The following CCDC157 variants were observed in gnomAD, a reference collection of about 807,000 sequenced individuals.
The protein encoded by CCDC157 is coiled-coil domain containing 157, also known as coiled-coil domain-containing protein 157.
A neutral mutation model predicts 70.9 loss-of-function variants in CCDC157; 60 were observed. The ratio of observed to expected loss-of-function variants is 0.85; its 90% CI spans 0.69 to 1.05. CCDC157 has a LOEUF of 1.05. CCDC157 is among the 50% of genes least tolerant of loss of function. The pLI is 0.00. For missense variants in CCDC157, 943 were observed against 984.2 expected, an observed-to-expected ratio of 0.96 and a Z score of 0.56; for synonymous variants, 373 against 422.4, an observed-to-expected ratio of 0.88 and a Z score of 1.43.
At chr22:30,367,774 C>T (rs1034875449) in intron 3 of CCDC157, among the ~76,000 whole-genome samples, 3 of 151,046 alleles carry the variant, frequency 2.0e-5, no homozygotes, top group Admixed American at 1.3e-4. Flanking sequence ...TGGTCAGGTG[C>T]GTTGGCTCAC....
At chr22:30,373,822 A>G in intron 8 of CCDC157, 58 bp downstream of exon 8, 1 of 1,531,802 alleles carries the variant, frequency 6.5e-7, no homozygotes, top group Non-Finnish European at 8.8e-7. Flanking sequence ...GAGTGCCTGC[A>G]GGCCTGTCCC....
At chr22:30,357,506 C>A (rs920494723) in intron 1 of CCDC157, among the ~76,000 whole-genome samples, 33 of 152,032 alleles carry the variant, frequency 2.2e-4, no homozygotes, top group African/African-American at 7.7e-4. Context: ...CTTTGTCTTT[C>A]TTTTTTCTTT....
At chr22:30,374,322 C>G (rs529762668) in intron 9 of CCDC157, 1 of 640,894 alleles carries the variant, frequency 1.6e-6, no homozygotes, top group Non-Finnish European at 2.9e-6. Context: ...GTGACTGCCT[C>G]TAGTCACAAC....
At chr22:30,373,809 A>G in intron 8 of CCDC157, 45 bp downstream of exon 8, 1 of 1,535,032 alleles carries the variant, frequency 6.5e-7, no homozygotes, top group East Asian at 2.4e-5. Flanking sequence ...TCTCCGGCCA[A>G]CTGAGTGCCT....
intron 3 of CCDC157, among the ~76,000 whole-genome samples, chr22:30,368,328 G>A (rs1932800833): frequency 1.3e-5 from 2 of 152,214 alleles, no homozygotes; most frequent in Non-Finnish European, 2.9e-5. Context: ...ATCATGGCCT[G>A]GTTTACCCAG....
At position 30,378,234 on chromosome 22, in the gene CCDC157, C is replaced by G; in HGVS notation, c.*1489C>G. Reference sequence around the variant, plus strand: ...CTCCTCTTCTACCAGCAGAAAACTACTTTGAATAGGCTCATGTGGTTAGGG... The same window carrying G: ...CTCCTCTTCTACCAGCAGAAAACTAGTTTGAATAGGCTCATGTGGTTAGGG... On this transcript the variant is annotated 3_prime_UTR_variant, in exon 12 of 12. Transcript: ENST00000338306. The G allele has an allele frequency of 2.1e-6, 1 of 466,464 alleles. No homozygotes were observed. The highest frequency in any genetic ancestry group is 4.5e-6 in the Non-Finnish European group (1 of 224,216). 28.9% of individuals were successfully genotyped at this position (466,464 alleles called of 1,614,324 possible).
Position 30,372,239 on chromosome 22 carries a change from C to G in CCDC157, c.1288C>G (p.Leu430Val). The change falls in exon 7 of 12, where the codon CTG (leucine) becomes GTG (valine). Residue 430 changes from leucine (L) to valine (V), a missense_variant. Physicochemically the swap from Leu to Val is conservative, Grantham distance 32. Coordinates refer to ENST00000338306, the MANE Select transcript of CCDC157 (RefSeq NM_001017437.5). ...GQQVCWASTE[L>V]DKEKARVDSM... Reference sequence around the variant, plus strand: ...GCAGGTCTGCTGGGCCAGCACGGAGCTGGATAAGGAGAAGGCCCGTGTCGA... The same window carrying G: ...GCAGGTCTGCTGGGCCAGCACGGAGGTGGATAAGGAGAAGGCCCGTGTCGA... The G allele has an allele frequency of 6.9e-6, 11 of 1,599,424 alleles. No individual in the cohort carries two copies. Among genetic ancestry groups the G allele is most frequent in the Non-Finnish European group, 9.4e-6 (11 of 1,175,702 alleles).
chr22:30,376,795 A>T lies in CCDC157; in HGVS notation c.*50A>T. 6.5e-7 allele frequency: 1 copy of T among 1,538,708 alleles called. No individual in the cohort carries two copies. The highest frequency in any genetic ancestry group is 1.4e-5 in the African/African-American group (1 of 73,262). On this transcript the variant is annotated 3_prime_UTR_variant, in exon 12 of 12. Coordinates refer to ENST00000338306, the MANE Select transcript of CCDC157 (RefSeq NM_001017437.5). The stretch of plus-strand genomic sequence containing the variant: ...ATGGGAGGTGGCTGGCAGCCCACCC[A>T]CTGTAATAAAGCCCCAGCCATTGGC...
intron 3 of CCDC157, 61 bp downstream of exon 3, chr22:30,366,309 G>A: frequency 3.7e-6 from 6 of 1,601,266 alleles, no homozygotes; most frequent in Non-Finnish European, 5.1e-6. Flanking sequence ...TGAAACCAGT[G>A]GCAGCTACGG....
At chr22:30,358,730 A>G (rs1932122625) in intron 1 of CCDC157, among the ~76,000 whole-genome samples, 1 of 152,194 alleles carries the variant, frequency 6.6e-6, no homozygotes, top group Admixed American at 6.5e-5. Flanking sequence ...CAGGAAATTG[A>G]GGAGAGGCAG....
At chr22:30,372,323 A>G (rs769797350) in intron 7 of CCDC157, 37 bp downstream of exon 7, 1 of 1,483,452 alleles carries the variant, frequency 6.7e-7, no homozygotes, top group South Asian at 1.3e-5. Flanking sequence ...GGCATCTGCA[A>G]TGTAGGCTGC....
chr22:30,369,483 A>G lies in CCDC157; in HGVS notation c.300A>G (p.Ser100=), dbSNP rs762816271. The G allele has an allele frequency of 5.4e-5, 85 of 1,588,126 alleles. No homozygotes were observed. In the East Asian group the frequency reaches 9.3e-4, roughly 17 times the overall value. Residue 100 remains serine (S), a synonymous_variant, in exon 4 of 12, where the codon TCA becomes TCG. Transcript: ENST00000338306. ...TGAGCTACTTGGAGAACCTTGGCTC[A>G]GAGCAGATGATGCCCCCTGCACAGG... is the stretch of plus-strand genomic sequence containing the variant. ...SCMSYLENLG[S]EQMMPPAQAA...
chr22:30,365,852 C>A, intron 2 of CCDC157, 138 bp from the exon 3 acceptor site: 1 of 850,664 alleles, frequency 1.2e-6, no homozygotes, highest in Non-Finnish European at 1.8e-6. Flanking sequence ...TCACCTGGGG[C>A]TGGGAAACAG....
chr22:30,376,865 A>C lies in CCDC157; in HGVS notation c.*120A>C. On this transcript the variant is annotated 3_prime_UTR_variant, in exon 12 of 12. Coordinates refer to ENST00000338306, the MANE Select transcript of CCDC157 (RefSeq NM_001017437.5). ...ACAGTATGACTGAGCCAAGGAAAGA[A>C]CCCTTCCTTCCCTGTCCTGGGCAGG... 9.6e-7 allele frequency: 1 copy of C among 1,043,816 alleles called. No individual in the cohort carries two copies. The highest frequency in any genetic ancestry group is 2.6e-5 in the East Asian group (1 of 38,296). The allele number at this position is 1,043,816 out of a possible 1,614,324, so 64.7% of individuals were successfully genotyped here. A position where few individuals can be genotyped will look rare whatever the true frequency, so the allele number is the denominator to read the frequency against.
rs1287968296 is a variant in CCDC157 at position 30,357,115 on chromosome 22, C to G, written c.-183C>G. 1 of 281,330 alleles carries G rather than the reference C, an allele frequency of 3.6e-6. No individual in the cohort carries two copies. The highest frequency in any genetic ancestry group is 6.6e-6 in the Non-Finnish European group (1 of 151,574). 17.4% of individuals were successfully genotyped at this position (281,330 alleles called of 1,614,324 possible). ...AGCCGACCAGACACGAAGGCTGAAG[C>G]CGCGACGCCGAAGACAGGTGAGATG... is the stretch of plus-strand genomic sequence containing the variant. On this transcript the variant is annotated 5_prime_UTR_variant, in exon 1 of 12. Coordinates refer to ENST00000338306, the MANE Select transcript of CCDC157 (RefSeq NM_001017437.5).
Position 30,370,826 on chromosome 22 carries a change from G to A in CCDC157, c.921G>A (p.Leu307=). ...AGGCTGAAGGGCAGAAGGATGGCCTGAGGAAGCAGGCGGGCAAGCTGGAGC... is the reference window on the plus strand; with the variant it reads ...AGGCTGAAGGGCAGAAGGATGGCCTAAGGAAGCAGGCGGGCAAGCTGGAGC... ...LEEAEGQKDG[L]RKQAGKLEQA... The change falls in exon 5 of 12, where the codon CTG becomes CTA. Residue 307 remains leucine, a synonymous_variant. Transcript: ENST00000338306. The A allele has an allele frequency of 1.2e-6, 2 of 1,613,004 alleles. No homozygotes were observed. The highest frequency in any genetic ancestry group is 1.7e-6 in the Non-Finnish European group (2 of 1,180,014).
At chr22:30,366,310 G>A in intron 3 of CCDC157, 62 bp downstream of exon 3, 1 of 1,601,252 alleles carries the variant, frequency 6.2e-7, no homozygotes, top group South Asian at 1.1e-5. Context: ...GAAACCAGTG[G>A]CAGCTACGGA....
chr22:30,371,553 C>A, intron 5 of CCDC157, 97 bp from the exon 6 acceptor site: 1 of 1,037,318 alleles, frequency 9.6e-7, no homozygotes, highest in South Asian at 1.3e-5. Context: ...CCTCTGCAGG[C>A]GATGGGCTGC....
At position 30,376,727 on chromosome 22, in the gene CCDC157, C is replaced by T. The variant is rs1328811546; in HGVS notation, c.2241C>T (p.Pro747=). 1.2e-6 allele frequency: 2 copies of T among 1,612,308 alleles called. No homozygotes were observed. Among genetic ancestry groups the T allele is most frequent in the African/African-American group, 2.7e-5 (2 of 74,900 alleles). Residue 747 remains proline (P), a synonymous_variant, in exon 12 of 12, where the codon CCC becomes CCT. Transcript: ENST00000338306. The part of the protein sequence containing the change: ...GRGQASSAHQ[P]QERPM ...GACAGGCCAGCTCTGCACACCAGCC[C>T]CAGGAGCGGCCCATGTAGCCTGTGG...
Sources: gnomAD v4.1 joint callset for allele counts (sites outside exome capture counted in the v4.1 genomes callset) on GRCh38, gnomAD v4.1.1 for gene constraint, MANE v1.5 for transcripts, NCBI Gene and HGNC (gene_info 2026-07-23, HGNC 2026-07-21) for gene names.